MAGI2: variants seen among roughly 807,000 people sequenced by gnomAD.
The protein encoded by MAGI2 is membrane-associated guanylate kinase, WW and PDZ domain-containing protein 2.
In MAGI2, 35 loss-of-function variants were observed where a neutral mutation model predicts 133.3. The ratio of observed to expected loss-of-function variants is 0.26; its 90% confidence interval spans 0.20 to 0.35. The LOEUF (loss-of-function observed/expected upper bound fraction) is 0.35, where lower values mean the gene tolerates loss of function less well. MAGI2 is among the 10% of genes least tolerant of loss of function. The pLI is 1.00. For missense variants in MAGI2, 1,636 were observed against 1,863.4 expected, an observed-to-expected ratio of 0.88 and a Z score of 2.25; for synonymous variants, 729 against 710.6, an observed-to-expected ratio of 1.03 and a Z score of -0.41.
intron 9 of MAGI2, among the ~76,000 whole-genome samples, chr7:78,264,415 A>T (rs1793803930): frequency 6.6e-6 from 1 of 152,152 alleles, no homozygotes. Flanking sequence ...GCTGGGTAAA[A>T]TATCTTTAAT....
intron 9 of MAGI2, among the ~76,000 whole-genome samples, chr7:78,331,597 C>A (rs1471208767): frequency 6.6e-6 from 1 of 152,196 alleles, no homozygotes; most frequent in Non-Finnish European, 1.5e-5. Context: ...TCACAGCCAA[C>A]CACCTACTCC....
At chr7:78,651,827 CCT>C (rs1193688601) in intron 2 of MAGI2, among the ~76,000 whole-genome samples, 4 of 152,004 alleles carry the variant, frequency 2.6e-5, no homozygotes, top group Non-Finnish European at 5.9e-5. Flanking sequence ...AACATATCCC[CCT>C]GCCTTCTCTG....
At chr7:78,738,727 G>C (rs1208444062) in intron 2 of MAGI2, among the ~76,000 whole-genome samples, 1 of 152,162 alleles carries the variant, frequency 6.6e-6, no homozygotes, top group Non-Finnish European at 1.5e-5. Context: ...AAATAAATGT[G>C]TGAAATGTGT....
Position 78,160,168 on chromosome 7 carries a change from G to C in MAGI2, c.2702C>G (p.Pro901Arg), listed in dbSNP as rs777762312. The C allele has an allele frequency of 8.7e-6, 14 of 1,612,902 alleles. No individual in the cohort carries two copies. The highest frequency in any genetic ancestry group is 1.2e-5 in the Non-Finnish European group (14 of 1,179,444). The change falls in exon 16 of 22, where the codon CCC becomes CGC. Residue 901 changes from proline (P) to arginine (R), a missense_variant. Physicochemically the swap from Pro to Arg is moderately radical, Grantham distance 103. Coordinates refer to ENST00000354212, the MANE Select transcript of MAGI2 (RefSeq NM_012301.4). Reference protein sequence around the residue: ...ATYTNSNHAAPSSNASPPEGF... With the variant: ...ATYTNSNHAARSSNASPPEGF... ...TTCAGGGGGAGAGGCATTGCTACTGGGGGCAGCGTGGTTGCTGTTGGTGTA... is the reference window on the plus strand; with the variant it reads ...TTCAGGGGGAGAGGCATTGCTACTGCGGGCAGCGTGGTTGCTGTTGGTGTA...
At chr7:78,741,463 C>A (rs1822430379) in intron 2 of MAGI2, among the ~76,000 whole-genome samples, 1 of 146,940 alleles carries the variant, frequency 6.8e-6, no homozygotes, top group African/African-American at 2.5e-5. Context: ...GCCTTGCATA[C>A]CAGATAAAGG....
At chr7:78,209,354 C>CCT in intron 10 of MAGI2, among the ~76,000 whole-genome samples, 12 of 144,994 alleles carry the variant, frequency 8.3e-5, no homozygotes, top group African/African-American at 2.5e-4. Context: ...CTCCGCCTTA[C>CCT]GGGTTCAGGC....
At chr7:78,825,047 C>T (rs1318040167) in intron 2 of MAGI2, among the ~76,000 whole-genome samples, 5 of 151,920 alleles carry the variant, frequency 3.3e-5, no homozygotes, top group Non-Finnish European at 7.4e-5. Context: ...AGGGGAACAA[C>T]ATACACCAGG....
chr7:79,043,542 C>CAAAA lies in MAGI2; in HGVS notation c.302-36340_302-36337dup, dbSNP rs58828466. Among the ~76,000 whole-genome samples, 218 of 40,204 alleles carry CAAAA rather than the reference C, an allele frequency of 5.4e-3. 3 individuals carry two copies. The highest frequency in any genetic ancestry group is 0.01 in the East Asian group (10 of 1,000). 26.4% of individuals were successfully genotyped at this position (40,204 alleles called of 152,430 possible). A position where few individuals can be genotyped will look rare whatever the true frequency, so the allele number is the denominator to read the frequency against. On this transcript the variant is annotated intron_variant, in intron 1 of 21. Transcript: ENST00000354212. Reference sequence around the variant, plus strand: ...TGGGTGACAGAGTGAGACTCCATCACAAAAAAAAAAAAAAAAAAAAAAGAA... The same window carrying CAAAA: ...TGGGTGACAGAGTGAGACTCCATCACAAAAAAAAAAAAAAAAAAAAAAAAAAGAA...
chr7:78,232,459 T>C (rs73702843), intron 10 of MAGI2, among the ~76,000 whole-genome samples: 73 of 152,332 alleles, frequency 4.8e-4, no homozygotes, highest in African/African-American at 1.6e-3. Flanking sequence ...AATTGTCCGC[T>C]CAATTACCAG....
chr7:78,924,820 G>T (rs1017116775), intron 2 of MAGI2, among the ~76,000 whole-genome samples: 1 of 151,394 alleles, frequency 6.6e-6, no homozygotes, highest in African/African-American at 2.4e-5. Context: ...AATACTTGCT[G>T]AAATCCCTTC....
chr7:78,127,270 G>A lies in MAGI2; in HGVS notation c.3350C>T (p.Pro1117Leu), dbSNP rs1460563049. The A allele has an allele frequency of 6.2e-7, 1 of 1,606,722 alleles. No homozygotes were observed. Among genetic ancestry groups the A allele is most frequent in the Non-Finnish European group, 8.5e-7 (1 of 1,175,446 alleles). Reference protein sequence around the residue: ...QQPPPLDYRQPPLLDYRQHSP... With the variant: ...QQPPPLDYRQLPLLDYRQHSP... ...GTGCTGCCTGTAGTCCAGTAGGGGA[G>A]GCTGCCTGTAGTCCAAGGGTGGGGG... The change falls in exon 19 of 22, where the codon CCT (proline) becomes CTT (leucine). Residue 1117 changes from proline (P) to leucine (L), a missense_variant. Coordinates refer to ENST00000354212, the MANE Select transcript of MAGI2 (RefSeq NM_012301.4).
intron 1 of MAGI2, among the ~76,000 whole-genome samples, chr7:79,252,292 G>A (rs1271421701): frequency 6.6e-6 from 1 of 152,010 alleles, no homozygotes; most frequent in African/African-American, 2.4e-5. Flanking sequence ...AGATCTGAAG[G>A]TCATTACATT....
rs144783719 is a variant in MAGI2 at position 78,465,020 on chromosome 7, G to A, written c.1045+24741C>T. Among the ~76,000 whole-genome samples the A allele has an allele frequency of 2.5e-3, 376 of 152,026 alleles. 7 individuals are homozygous for A. Among genetic ancestry groups the A allele is most frequent in the African/African-American group, 7.4e-3 (305 of 41,466 alleles). On this transcript the variant is annotated intron_variant, in intron 6 of 21. Coordinates refer to ENST00000354212, the MANE Select transcript of MAGI2 (RefSeq NM_012301.4). ...TTTTCCTCATATTATTTCAGAATACGAATTGAAAAAGTTACCTATTATGAC... is the reference window on the plus strand; with the variant it reads ...TTTTCCTCATATTATTTCAGAATACAAATTGAAAAAGTTACCTATTATGAC...
At chr7:79,251,792 T>G (rs1833294408) in intron 1 of MAGI2, among the ~76,000 whole-genome samples, 1 of 152,144 alleles carries the variant, frequency 6.6e-6, no homozygotes, top group African/African-American at 2.4e-5. Context: ...TTCCCACGTT[T>G]ACTGCAGCAC....
chr7:79,145,224 G>C (rs907148793), intron 1 of MAGI2, among the ~76,000 whole-genome samples: 14 of 152,220 alleles, frequency 9.2e-5, no homozygotes, highest in African/African-American at 3.4e-4. Context: ...TTTTCTGTTA[G>C]AAATATACAT....
At chr7:78,609,287 C>G (rs1004032965) in intron 3 of MAGI2, among the ~76,000 whole-genome samples, 1 of 152,176 alleles carries the variant, frequency 6.6e-6, no homozygotes, top group African/African-American at 2.4e-5. Flanking sequence ...TCCTTGTCAA[C>G]TTGAAGCCAT....
At chr7:79,379,270 G>A (rs1843618166) in intron 1 of MAGI2, among the ~76,000 whole-genome samples, 2 of 151,726 alleles carry the variant, frequency 1.3e-5, no homozygotes, top group Admixed American at 1.3e-4. Flanking sequence ...CTTCATCCAT[G>A]TCCCTAAAAA....
intron 10 of MAGI2, among the ~76,000 whole-genome samples, chr7:78,239,961 A>C (rs1049083810): frequency 6.6e-6 from 1 of 151,260 alleles, no homozygotes; most frequent in Admixed American, 6.6e-5. Flanking sequence ...TCCCATGTTT[A>C]TTTTTTTTTC....
intron 1 of MAGI2, among the ~76,000 whole-genome samples, chr7:79,250,925 A>G (rs1833200712): frequency 6.6e-6 from 1 of 152,192 alleles, no homozygotes; most frequent in Non-Finnish European, 1.5e-5. Context: ...GAACCCAGAA[A>G]CAAATCCATA....
Sources: allele counts gnomAD v4.1 joint callset (sites outside exome capture counted in the v4.1 genomes callset), GRCh38; gene constraint gnomAD v4.1.1; transcripts MANE v1.5; gene names NCBI Gene and HGNC (gene_info 2026-07-23, HGNC 2026-07-21).